ABCB11: variants seen among roughly 807,000 people sequenced by gnomAD.
ABCB11 encodes ATP binding cassette subfamily B member 11, also known as bile salt export pump.
A neutral mutation model predicts 148.0 loss-of-function variants in ABCB11; 95 were observed. The observed-to-expected ratio is 0.64, with a 90% confidence interval of 0.54 to 0.76. ABCB11 has a LOEUF of 0.76. Among genes scored for constraint, ABCB11 ranks in the 30% least tolerant of loss-of-function variants. The pLI is 0.00. For synonymous variants in ABCB11, 591 were observed against 555.4 expected, an observed-to-expected ratio of 1.06 and a Z score of -0.90; for missense variants, 1,523 against 1,617.8, an observed-to-expected ratio of 0.94 and a Z score of 1.01.
intron 1 of ABCB11, among the ~76,000 whole-genome samples, chr2:169,026,713 GA>G (rs1455798483): frequency 6.6e-6 from 1 of 152,018 alleles, no homozygotes. Context: ...TTTATCAGAT[GA>G]GATGTTGGGA....
intron 11 of ABCB11, among the ~76,000 whole-genome samples, chr2:168,977,001 T>C (rs1693935712): frequency 6.7e-6 from 1 of 149,086 alleles, no homozygotes; most frequent in Non-Finnish European, 1.5e-5. Context: ...ATTACTGAGA[T>C]ATTATATATT....
rs1574390024 is a variant in ABCB11 at position 168,924,667 on chromosome 2, T to G, written c.3755A>C (p.Glu1252Ala). ...AAATTCAACACTTACCTTTTCACTT[T>G]CTGTGTCTAAGGCAGAAGTGGCTTC... The part of the protein sequence containing the change: ...LDEATSALDT[E>A]SEKTVQVALD... The change falls in exon 27 of 28, where the codon GAA becomes GCA. Residue 1252 changes from glutamate (E) to alanine (A), a missense_variant. Coordinates refer to ENST00000650372, the MANE Select transcript of ABCB11 (RefSeq NM_003742.4). 1.1e-5 allele frequency: 17 copies of G among 1,613,752 alleles called. No homozygotes were observed. The East Asian group carries it at 3.8e-4, about 36-fold the overall frequency.
chr2:168,976,630 C>T lies in ABCB11; in HGVS notation c.1255G>A (p.Glu419Lys). The T allele has an allele frequency of 6.2e-7, 1 of 1,610,276 alleles. No individual in the cohort carries two copies. Among genetic ancestry groups the T allele is most frequent in the Middle Eastern group, 1.7e-4 (1 of 6,052 alleles). The change falls in exon 12 of 28, where the codon GAA becomes AAA. Residue 419 changes from glutamate (E) to lysine (K), a missense_variant. Transcript: ENST00000650372. ...DGYKLDRIKG[E>K]IEFHNVTFHY... The stretch of plus-strand genomic sequence containing the variant: ...AAGGTCACATTATGGAATTCAATTT[C>T]ACCCTTGATTCGATCCAACTTGTAA...
chr2:168,925,293 G>T (rs371334748), intron 26 of ABCB11, among the ~76,000 whole-genome samples: 24 of 152,190 alleles, frequency 1.6e-4, no homozygotes, highest in Non-Finnish European at 2.2e-4. Context: ...TTGTGTTCAT[G>T]AACAAATTAT....
At chr2:169,000,491 A>G (rs1018894511) in intron 5 of ABCB11, among the ~76,000 whole-genome samples, 10 of 152,144 alleles carry the variant, frequency 6.6e-5, no homozygotes, top group Middle Eastern at 6.8e-3. Context: ...TTTTTGCCCT[A>G]TGGATGTCCA....
chr2:168,949,200 T>C (rs1457165140), intron 19 of ABCB11, among the ~76,000 whole-genome samples: 1 of 151,680 alleles, frequency 6.6e-6, no homozygotes, highest in Non-Finnish European at 1.5e-5. Context: ...TAAACTGCTT[T>C]TTTAAAATTA....
intron 21 of ABCB11, among the ~76,000 whole-genome samples, chr2:168,939,276 C>G (rs1230826408): frequency 1.3e-5 from 2 of 151,984 alleles, no homozygotes; most frequent in Non-Finnish European, 1.5e-5. Context: ...AGGCATTACA[C>G]AATACTTGAA....
chr2:168,941,486 A>C (rs1048800990), intron 21 of ABCB11, among the ~76,000 whole-genome samples: 2 of 152,054 alleles, frequency 1.3e-5, no homozygotes, highest in South Asian at 2.1e-4. Flanking sequence ...TTAGAAGTGG[A>C]GTCTGAAGAT....
chr2:169,013,470 A>G lies in ABCB11; in HGVS notation c.191T>C (p.Val64Ala), dbSNP rs1207410969. 1.9e-6 allele frequency: 3 copies of G among 1,613,712 alleles called. No homozygotes were observed. The highest frequency in any genetic ancestry group is 8.5e-7 in the Non-Finnish European group (1 of 1,179,728). Reference protein sequence around the residue: ...SSSTDIWLMFVGSLCAFLHGI... With the variant: ...SSSTDIWLMFAGSLCAFLHGI... ...ATGGAGAAATGCACACAAACTTCCC[A>G]CAAACATCAGCCAAATGTCAGTTGA... The change falls in exon 5 of 28, where the codon GTG becomes GCG. Residue 64 changes from valine (V) to alanine (A), a missense_variant. By Grantham distance (64) the Val-to-Ala change is moderately conservative. Coordinates refer to ENST00000650372, the MANE Select transcript of ABCB11 (RefSeq NM_003742.4).
At chr2:169,016,036 A>G (rs1229372804) in intron 3 of ABCB11, among the ~76,000 whole-genome samples, 2 of 151,920 alleles carry the variant, frequency 1.3e-5, no homozygotes, top group Admixed American at 6.6e-5. Context: ...TTCTCATTCC[A>G]TGCTCACCTC....
intron 5 of ABCB11, among the ~76,000 whole-genome samples, chr2:169,007,117 G>A (rs185234169): frequency 8.6e-4 from 131 of 152,112 alleles, no homozygotes; most frequent in African/African-American, 2.9e-3. Context: ...ATAAAACTAC[G>A]GTAATCAAAA....
intron 21 of ABCB11, among the ~76,000 whole-genome samples, chr2:168,938,957 A>G (rs58512362): frequency 0.16 from 24,055 of 151,882 alleles, 2,299 homozygotes; most frequent in East Asian, 0.34. Context: ...ATTACTTTGT[A>G]CTTTGACTTT....
intron 8 of ABCB11, among the ~76,000 whole-genome samples, chr2:168,992,692 G>C (rs905385426): frequency 2.6e-5 from 4 of 152,042 alleles, no homozygotes; most frequent in Admixed American, 2.6e-4. Context: ...GGGGTTAAAT[G>C]GATTTTTCCT....
intron 5 of ABCB11, among the ~76,000 whole-genome samples, chr2:169,000,208 T>C (rs1558919084): frequency 6.6e-6 from 1 of 152,096 alleles, no homozygotes; most frequent in Non-Finnish European, 1.5e-5. Flanking sequence ...GGGATCCTAG[T>C]CCTTTTTTGG....
chr2:168,930,579 TG>T, intron 25 of ABCB11, 85 bp downstream of exon 25: 1 of 1,179,714 alleles, frequency 8.5e-7, no homozygotes, highest in Non-Finnish European at 1.1e-6. Context: ...AAAGTGAGTC[TG>T]GCAAAGCAAA....
At chr2:168,983,687 C>T (rs1176326482) in intron 10 of ABCB11, among the ~76,000 whole-genome samples, 2 of 152,108 alleles carry the variant, frequency 1.3e-5, no homozygotes. Context: ...CTTCCATTTG[C>T]AAATCAAAAT....
chr2:168,955,910 T>C (rs941160597), intron 19 of ABCB11, among the ~76,000 whole-genome samples: 1 of 151,792 alleles, frequency 6.6e-6, no homozygotes, highest in Non-Finnish European at 1.5e-5. Flanking sequence ...CCAGGCCACA[T>C]GCAGGTCCAA....
Position 168,927,270 on chromosome 2 carries a change from A to G in ABCB11, c.3504T>C (p.Cys1168=), listed in dbSNP as rs2105882231. ...CATACTTGATATTGTCCATTATGCT[A>G]CAGGCAAACAACACTGGTTCCTGGG... ...IVSQEPVLFA[C]SIMDNIKYGD... is the part of the protein sequence containing the mutation. The change falls in exon 26 of 28, where the codon TGT becomes TGC. Residue 1168 remains cysteine, a synonymous_variant. Coordinates refer to ENST00000650372, the MANE Select transcript of ABCB11 (RefSeq NM_003742.4). 1 of 1,613,864 alleles carries G rather than the reference A, an allele frequency of 6.2e-7. No homozygotes were observed. Among genetic ancestry groups the G allele is most frequent in the Non-Finnish European group, 8.5e-7 (1 of 1,179,776 alleles).
chr2:168,968,615 C>T (rs1193738171), intron 16 of ABCB11, 125 bp from the exon 17 acceptor site: 2 of 775,070 alleles, frequency 2.6e-6, no homozygotes, highest in Non-Finnish European at 3.9e-6. Flanking sequence ...ATTCTGTTAA[C>T]TTTATTGCAA....
Sources: allele counts gnomAD v4.1 joint callset (sites outside exome capture counted in the v4.1 genomes callset), GRCh38; gene constraint gnomAD v4.1.1; transcripts MANE v1.5; gene names NCBI Gene and HGNC (gene_info 2026-07-23, HGNC 2026-07-21).